RO60: variants seen among roughly 807,000 people sequenced by gnomAD.
RO60 encodes RNA-binding protein RO60.
Under a neutral mutation model 55.3 loss-of-function variants are expected in RO60, and 20 were observed. The observed-to-expected ratio is 0.36, with a 90% CI of 0.25 to 0.53. The LOEUF (loss-of-function observed/expected upper bound fraction) is 0.53. RO60 is among the 20% of genes least tolerant of loss of function. The probability of loss-of-function intolerance (pLI) is 0.92; values close to 1 mark genes in which losing one functional copy is unlikely to be tolerated. For missense variants in RO60, 558 were observed against 646.6 expected (o/e 0.86, Z 1.49); for synonymous variants, 213 against 213.6 (o/e 1.00, Z 0.02).
chr1:193,086,115 T>C lies in RO60; in HGVS notation c.*1384T>C, dbSNP rs75425660. ...ATTTGTAAGGTCCTTCTCGCTGTTA[T>C]GTGAAAAGTCAAACTGTAGTTAATG... On this transcript the variant is annotated 3_prime_UTR_variant, in exon 9 of 9. Transcript: ENST00000400968. The C allele has an allele frequency of 6.8e-4, 572 of 836,496 alleles. 6 individuals are homozygous for C. In the East Asian group the frequency reaches 0.023, roughly 33 times the overall value. 51.8% of individuals were successfully genotyped at this position (836,496 alleles called of 1,614,324 possible).
intron 2 of RO60, among the ~76,000 whole-genome samples, chr1:193,073,496 G>A (rs535916585): frequency 3.3e-5 from 5 of 151,954 alleles, no homozygotes; most frequent in South Asian, 2.1e-4. Flanking sequence ...AAGTCAATAC[G>A]TGTCTACACC....
intron 6 of RO60, among the ~76,000 whole-genome samples, chr1:193,081,954 T>C (rs1330984388): frequency 6.6e-6 from 1 of 152,164 alleles, no homozygotes; most frequent in African/African-American, 2.4e-5. Flanking sequence ...TCTTATCTAA[T>C]GAAATGAGAA....
At chr1:193,072,850 C>T (rs1673618082) in intron 2 of RO60, among the ~76,000 whole-genome samples, 1 of 152,104 alleles carries the variant, frequency 6.6e-6, no homozygotes, top group African/African-American at 2.4e-5. Flanking sequence ...TAGATGTTTC[C>T]TAAACTTACT....
intron 2 of RO60, among the ~76,000 whole-genome samples, chr1:193,071,811 T>C (rs1572077317): frequency 6.8e-6 from 1 of 147,188 alleles, no homozygotes; most frequent in East Asian, 2.0e-4. Context: ...ATGTAATATA[T>C]ATATACCTAT....
Position 193,059,767 on chromosome 1 carries a change from CCAGGTA to C in RO60, c.-25_-22+2del, listed in dbSNP as rs1175655327. ...CGCTGCGGATCCAGGGGGTCGGCTG[CCAGGTA>C]CAGGTGAGGACATTGCGGGAGGCCG... is the stretch of plus-strand genomic sequence containing the variant. On this transcript the variant is annotated 5_prime_UTR_variant, in exon 1 of 9. Transcript: ENST00000400968. The surrounding 1 kb of genome is among the most constrained non-coding windows in gnomAD (Gnocchi z 4.9). 6.6e-6 allele frequency: 9 copies of C among 1,356,144 alleles called. No homozygotes were observed. Among genetic ancestry groups the C allele is most frequent in the Non-Finnish European group, 8.8e-6 (9 of 1,017,204 alleles). 84.0% of individuals were successfully genotyped at this position (1,356,144 alleles called of 1,614,324 possible).
intron 1 of RO60, among the ~76,000 whole-genome samples, chr1:193,065,635 A>G (rs537116179): frequency 1.1e-3 from 170 of 150,168 alleles, no homozygotes; most frequent in Non-Finnish European, 2.0e-3. Flanking sequence ...TAGTCTTCTT[A>G]AAGTGTTTTG....
Position 193,088,807 on chromosome 1 carries a change from T to C in RO60, c.*4076T>C, listed in dbSNP as rs1402116256. 1 of 152,230 alleles carries C rather than the reference T, an allele frequency of 6.6e-6. No individual in the cohort carries two copies. Among genetic ancestry groups the C allele is most frequent in the Non-Finnish European group, 1.5e-5 (1 of 68,030 alleles). 9.4% of individuals were successfully genotyped at this position (152,230 alleles called of 1,614,324 possible). On this transcript the variant is annotated 3_prime_UTR_variant, in exon 9 of 9. Coordinates refer to ENST00000400968, the MANE Select transcript of RO60 (RefSeq NM_001173524.2). ...AGTTGTATTTACTGTTTGGATTTTA[T>C]TTAGTGTTTCCTTGATGTCTGTTTC...
Position 193,086,531 on chromosome 1 carries a change from T to C in RO60, c.*1800T>C, listed in dbSNP as rs1674631271. On this transcript the variant is annotated 3_prime_UTR_variant, in exon 9 of 9. Transcript: ENST00000400968. ...TATTACGTTCAGATTGAATTTAAAG[T>C]TTAAAGAAACTAATAGAATTACGTA... The C allele has an allele frequency of 6.6e-6, 1 of 152,126 alleles. No homozygotes were observed. The highest frequency in any genetic ancestry group is 1.9e-4 in the East Asian group (1 of 5,202). 9.4% of individuals were successfully genotyped at this position (152,126 alleles called of 1,614,324 possible).
chr1:193,062,207 A>C (rs998430135), intron 1 of RO60, among the ~76,000 whole-genome samples: 4 of 152,194 alleles, frequency 2.6e-5, no homozygotes, highest in African/African-American at 9.7e-5. Flanking sequence ...ACTGATGACC[A>C]GGTTCTGACC....
In RO60 at chr1:193,069,021, G is replaced by A; in HGVS notation, c.-21-13G>A. 1.3e-6 allele frequency: 2 copies of A among 1,554,850 alleles called. No individual in the cohort carries two copies. The highest frequency in any genetic ancestry group is 1.2e-5 in the South Asian group (1 of 84,460). ...GCCCATCTAGTTGTAATAACATTTT[G>A]CCTTTTTGTTAGGTTTCCTAAAGAC... On this transcript the variant is annotated splice_polypyrimidine_tract_variant and intron_variant, in intron 1 of 8. Coordinates refer to ENST00000400968, the MANE Select transcript of RO60 (RefSeq NM_001173524.2).
At chr1:193,074,196 T>G (rs1308369989) in intron 2 of RO60, among the ~76,000 whole-genome samples, 1 of 152,194 alleles carries the variant, frequency 6.6e-6, no homozygotes, top group Non-Finnish European at 1.5e-5. Context: ...GCAATAAACA[T>G]ACGTGTGCAT....
rs763245652 is a variant in RO60 at position 193,069,574 on chromosome 1, A to G, written c.520A>G (p.Arg174Gly). The change falls in exon 2 of 9, where the codon AGA becomes GGA. Residue 174 changes from arginine (R) to glycine (G), a missense_variant. Coordinates refer to ENST00000400968, the MANE Select transcript of RO60 (RefSeq NM_001173524.2). ...TCTGGCAGTTACAAAATATAAACAG[A>G]GAAATGGCTGGTCTCACAAAGATCT... ...LALAVTKYKQ[R>G]NGWSHKDLLR... 6.2e-7 allele frequency: 1 copy of G among 1,614,198 alleles called. No homozygotes were observed. The highest frequency in any genetic ancestry group is 1.1e-5 in the South Asian group (1 of 91,086).
intron 8 of RO60, 106 bp downstream of exon 8, chr1:193,082,814 G>A: frequency 1.0e-6 from 1 of 960,768 alleles, no homozygotes; most frequent in South Asian, 1.9e-5. Context: ...GCCCTGGCTG[G>A]AGTGCAGTGG....
At chr1:193,082,474 A>G in intron 7 of RO60, 88 bp from the exon 8 acceptor site, 1 of 1,469,282 alleles carries the variant, frequency 6.8e-7, no homozygotes, top group Non-Finnish European at 9.4e-7. Context: ...AAGGCTGTAT[A>G]TATTGGTGCT....
At position 193,084,970 on chromosome 1, in the gene RO60, G is replaced by C. The variant is rs760061823; in HGVS notation, c.*239G>C. On this transcript the variant is annotated 3_prime_UTR_variant, in exon 9 of 9. Transcript: ENST00000400968. ...ATACTGTAGTTTCCTCTATCTAATA[G>C]AGAACTTTTTGTTAACAGACACTGT... The C allele has an allele frequency of 5.8e-6, 9 of 1,544,728 alleles. No individual in the cohort carries two copies. The highest frequency in any genetic ancestry group is 7.9e-6 in the Non-Finnish European group (9 of 1,145,298).
intron 5 of RO60, among the ~76,000 whole-genome samples, 164 bp downstream of exon 5, chr1:193,077,214 G>C (rs1275143491): frequency 1.3e-5 from 2 of 152,124 alleles, no homozygotes; most frequent in Admixed American, 6.5e-5. Context: ...TATCGTGTAA[G>C]TTTAAGAGTA....
chr1:193,069,501 GA>G lies in RO60; in HGVS notation c.449del (p.Lys150ArgfsTer3). On this transcript the variant is annotated frameshift_variant, in exon 2 of 9. Transcript: ENST00000400968. LOFTEE classifies it high-confidence loss of function. Reference sequence around the variant, plus strand: ...GTGGCATGTGGGGTCGTGCCCTCCGGAAGGCTATAGCGGACTGGTACAATGA... The same window carrying G: ...GTGGCATGTGGGGTCGTGCCCTCCGGAGGCTATAGCGGACTGGTACAATGA... Reference protein sequence around the residue: ...KCGMWGRALRKAIADWYNEKG... With the variant: ...KCGMWGRALRXAIADWYNEKG... 3 of 1,614,200 alleles carry G rather than the reference GA, an allele frequency of 1.9e-6. No homozygotes were observed. The highest frequency in any genetic ancestry group is 2.5e-6 in the Non-Finnish European group (3 of 1,180,042).
intron 1 of RO60, among the ~76,000 whole-genome samples, chr1:193,066,246 C>T (rs1673097360): frequency 6.6e-6 from 1 of 152,218 alleles, no homozygotes; most frequent in South Asian, 2.1e-4. Context: ...CTTCAGCTCT[C>T]CAAATTGAAT....
In RO60 at chr1:193,081,409, A is replaced by G. The variant is rs1194252359; in HGVS notation, c.1132A>G (p.Ser378Gly). The change falls in exon 6 of 9, where the codon AGT becomes GGT. Residue 378 changes from serine to glycine, a missense_variant. By Grantham distance (56) the Ser-to-Gly change is moderately conservative. Transcript: ENST00000400968. ...GKRFLLAVDV[S>G]ASMNQRVLGS... is the part of the protein sequence containing the mutation. Reference sequence around the variant, plus strand: ...ACGTTTCTTACTAGCTGTTGATGTCAGTGCTTCTATGAACCAAAGAGTTTT... The same window carrying G: ...ACGTTTCTTACTAGCTGTTGATGTCGGTGCTTCTATGAACCAAAGAGTTTT... 6.2e-7 allele frequency: 1 copy of G among 1,610,690 alleles called. No homozygotes were observed. Among genetic ancestry groups the G allele is most frequent in the Non-Finnish European group, 8.5e-7 (1 of 1,177,808 alleles).
Sources: allele counts gnomAD v4.1 joint callset (sites outside exome capture counted in the v4.1 genomes callset), GRCh38; gene constraint gnomAD v4.1.1; non-coding constraint Gnocchi (gnomAD v3.1); transcripts MANE v1.5; gene names NCBI Gene and HGNC (gene_info 2026-07-23, HGNC 2026-07-21).